MYO18A: variants seen among roughly 807,000 people sequenced by gnomAD.
MYO18A encodes myosin XVIIIA, also known as unconventional myosin-XVIIIa.
A neutral mutation model predicts 235.8 loss-of-function variants in MYO18A; 78 were observed. The observed-to-expected ratio is 0.33, with a 90% confidence interval of 0.28 to 0.40. The LOEUF (loss-of-function observed/expected upper bound fraction) is 0.40. Among genes scored for constraint, MYO18A ranks in the 10% least tolerant of loss-of-function variants. The pLI, the probability that MYO18A is intolerant of heterozygous loss-of-function variation, is 1.00. For missense variants in MYO18A, 2,215 were observed against 2,699.3 expected (o/e 0.82, Z 3.98); for synonymous variants, 977 against 1,077.8 (o/e 0.91, Z 1.83).
Position 29,131,318 on chromosome 17 carries a change from C to T in MYO18A, c.1000-9065G>A, listed in dbSNP as rs982699695. The T allele has an allele frequency of 7.7e-5, 65 of 846,922 alleles. No individual in the cohort carries two copies. In the African/African-American group the frequency reaches 1.0e-3, roughly 13 times the overall value. The allele number at this position is 846,922 out of a possible 1,614,324, so 52.5% of individuals were successfully genotyped here. ...ACACACACACGCACACACACATGCA[C>T]GCATGCACACACACATGCCCGCACA... On this transcript the variant is annotated intron_variant, in intron 2 of 41. Transcript: ENST00000527372.
chr17:29,116,876 C>G (rs1046251239), intron 10 of MYO18A, among the ~76,000 whole-genome samples: 2 of 151,892 alleles, frequency 1.3e-5, no homozygotes, highest in Admixed American at 1.3e-4. Flanking sequence ...GTCACCGCCT[C>G]AGAGTGAAGT....
chr17:29,177,349 T>A (rs2152995100), intron 1 of MYO18A, among the ~76,000 whole-genome samples: 1 of 152,204 alleles, frequency 6.6e-6, no homozygotes, highest in Admixed American at 6.5e-5. Flanking sequence ...AAATCATCAG[T>A]CTAACAACCA....
intron 2 of MYO18A, among the ~76,000 whole-genome samples, chr17:29,136,235 GAAAAA>G (rs1181249964): frequency 1.6e-4 from 17 of 105,304 alleles, no homozygotes; most frequent in South Asian, 6.6e-4. Flanking sequence ...CATCTCAAAA[GAAAAA>G]AAAAAAAAAA....
chr17:29,074,402 T>A lies in MYO18A; in HGVS notation c.*368A>T, dbSNP rs1241206574. The A allele has an allele frequency of 1.6e-6, 1 of 616,402 alleles. No homozygotes were observed. Among genetic ancestry groups the A allele is most frequent in the Non-Finnish European group, 2.9e-6 (1 of 347,254 alleles). The allele number at this position is 616,402 out of a possible 1,614,324, so 38.2% of individuals were successfully genotyped here. Reference sequence around the variant, plus strand: ...TCCCCATGGACCCAGCAACCTAGAGTGTCCCAGTAGGCAACCTGTCCACCG... The same window carrying A: ...TCCCCATGGACCCAGCAACCTAGAGAGTCCCAGTAGGCAACCTGTCCACCG... On this transcript the variant is annotated 3_prime_UTR_variant, in exon 42 of 42. Coordinates refer to ENST00000527372, the MANE Select transcript of MYO18A (RefSeq NM_078471.4). This position sits in a 1 kb window ranked among gnomAD's most constrained non-coding sequence, Gnocchi z 4.4.
At chr17:29,086,769 C>T (rs750721014) in intron 38 of MYO18A, 167 bp downstream of exon 38, 4 of 1,112,020 alleles carry the variant, frequency 3.6e-6, no homozygotes, top group African/African-American at 3.2e-5. Context: ...TCTCCAGTGC[C>T]GCTAGCTTCC....
At chr17:29,179,374 C>T (rs1017118532) in intron 1 of MYO18A, among the ~76,000 whole-genome samples, 3 of 151,910 alleles carry the variant, frequency 2.0e-5, no homozygotes, top group Non-Finnish European at 4.4e-5. Flanking sequence ...AAAACAAAGC[C>T]CCAATGCCTG....
chr17:29,166,229 T>C lies in MYO18A; in HGVS notation c.712A>G (p.Thr238Ala). The C allele has an allele frequency of 1.9e-6, 3 of 1,612,972 alleles. No individual in the cohort carries two copies. The highest frequency in any genetic ancestry group is 8.5e-7 in the Non-Finnish European group (1 of 1,179,876). Residue 238 changes from threonine (T) to alanine (A), a missense_variant, in exon 2 of 42, where the codon ACA becomes GCA. Coordinates refer to ENST00000527372, the MANE Select transcript of MYO18A (RefSeq NM_078471.4). ...TCGGGGCCCCGATCCAGCATGGTTG[T>C]GCGCCGCAGGGAGAAGCCAAAGTCT... ...TGDFGFSLRR[T>A]TMLDRGPEGQ...
intron 2 of MYO18A, chr17:29,131,292 A>AAC: frequency 1.3e-6 from 1 of 751,522 alleles, no homozygotes. Context: ...TGCAGGGGCA[A>AAC]ACACACACAC....
chr17:29,073,716 T>C lies in MYO18A; in HGVS notation c.*1054A>G. On this transcript the variant is annotated 3_prime_UTR_variant, in exon 42 of 42. Coordinates refer to ENST00000527372, the MANE Select transcript of MYO18A (RefSeq NM_078471.4). ...TGGGGGCTGGGACCTCCAGACCACA[T>C]GGTGTTGTGTCTGGGATAAGTGTGT... 4.5e-6 allele frequency: 4 copies of C among 892,632 alleles called. No homozygotes were observed. Among genetic ancestry groups the C allele is most frequent in the Non-Finnish European group, 5.1e-6 (3 of 583,232 alleles). The allele number at this position is 892,632 out of a possible 1,614,324, so 55.3% of individuals were successfully genotyped here. A position where few individuals can be genotyped will look rare whatever the true frequency, so the allele number is the denominator to read the frequency against.
At chr17:29,076,249 C>T (rs1314363987) in intron 41 of MYO18A, 1 of 151,514 alleles carries the variant, frequency 6.6e-6, no homozygotes, top group African/African-American at 2.4e-5. Context: ...GGCCACACAG[C>T]CAGTATGTAA....
chr17:29,178,339 C>T (rs1383334795), intron 1 of MYO18A, among the ~76,000 whole-genome samples: 1 of 152,156 alleles, frequency 6.6e-6, no homozygotes, highest in African/African-American at 2.4e-5. Context: ...AGGTCATCAA[C>T]TGTTCAAAGT....
At chr17:29,088,096 C>G (rs2066302381) in intron 37 of MYO18A, among the ~76,000 whole-genome samples, 1 of 149,446 alleles carries the variant, frequency 6.7e-6, no homozygotes. Context: ...CGCTGTCGCC[C>G]AGGCTGGAGT....
Position 29,073,732 on chromosome 17 carries a change from A to C in MYO18A, c.*1038T>G. The C allele has an allele frequency of 9.8e-7, 1 of 1,024,464 alleles. No homozygotes were observed. Among genetic ancestry groups the C allele is most frequent in the Non-Finnish European group, 1.4e-6 (1 of 694,644 alleles). 63.5% of individuals were successfully genotyped at this position (1,024,464 alleles called of 1,614,324 possible). A position where few individuals can be genotyped will look rare whatever the true frequency, so the allele number is the denominator to read the frequency against. ...CAGACCACATGGTGTTGTGTCTGGG[A>C]TAAGTGTGTGGGGGCAGGGAGGTTG... On this transcript the variant is annotated 3_prime_UTR_variant, in exon 42 of 42. Coordinates refer to ENST00000527372, the MANE Select transcript of MYO18A (RefSeq NM_078471.4).
At chr17:29,103,213 C>T (rs1039947903) in intron 21 of MYO18A, among the ~76,000 whole-genome samples, 1 of 152,248 alleles carries the variant, frequency 6.6e-6, no homozygotes, top group African/African-American at 2.4e-5. Context: ...AGGGGCTCTA[C>T]CCAAGGCCTC....
At position 29,124,773 on chromosome 17, in the gene MYO18A, G is replaced by C. The variant is rs887895158; in HGVS notation, c.1000-2520C>G. 3 of 1,122,492 alleles carry C rather than the reference G, an allele frequency of 2.7e-6. No individual in the cohort carries two copies. In the African/African-American group the frequency reaches 4.8e-5, roughly 18 times the overall value. The allele number at this position is 1,122,492 out of a possible 1,614,324, so 69.5% of individuals were successfully genotyped here. On this transcript the variant is annotated intron_variant, in intron 2 of 41. Transcript: ENST00000527372. ...CACGCCCCCTTCAGCAAGTGCTCCT[G>C]AGTCAAGTGGGCCGGCACTCTCTAG...
rs536453466 is a variant in MYO18A, at chr17:29,156,507, C to T, written c.999+9435G>A. 7.2e-5 allele frequency among the ~76,000 whole-genome samples: 11 copies of T among 152,174 alleles called. No homozygotes were observed. The South Asian group carries it at 1.2e-3, about 17-fold the overall frequency. ...ACAGTCCATGGGTGGAGATGGGACACGCTAAGGTCCTAGAGACAAGTCACC... is the reference window on the plus strand; with the variant it reads ...ACAGTCCATGGGTGGAGATGGGACATGCTAAGGTCCTAGAGACAAGTCACC... On this transcript the variant is annotated intron_variant, in intron 2 of 41. Transcript: ENST00000527372.
intron 28 of MYO18A, 141 bp from the exon 29 acceptor site, chr17:29,095,200 G>A (rs1238272733): frequency 7.8e-7 from 1 of 1,288,292 alleles, no homozygotes; most frequent in Non-Finnish European, 1.0e-6. Flanking sequence ...CCAGTTGTAA[G>A]GTAGCGGTGA....
intron 2 of MYO18A, among the ~76,000 whole-genome samples, chr17:29,141,686 T>TAA (rs2067742662): frequency 1.3e-5 from 2 of 152,236 alleles, no homozygotes; most frequent in Non-Finnish European, 2.9e-5. Flanking sequence ...ACACAGACTC[T>TAA]TAGGACACGG....
At chr17:29,087,804 T>C (rs1001039823) in intron 37 of MYO18A, among the ~76,000 whole-genome samples, 3 of 151,574 alleles carry the variant, frequency 2.0e-5, no homozygotes, top group African/African-American at 7.3e-5. Context: ...TTTAACATCC[T>C]ATGAGTCTAA....
Sources: gnomAD v4.1 joint callset for allele counts (sites outside exome capture counted in the v4.1 genomes callset) on GRCh38, gnomAD v4.1.1 for gene constraint, Gnocchi (gnomAD v3.1) non-coding constraint, MANE v1.5 for transcripts, NCBI Gene and HGNC (gene_info 2026-07-23, HGNC 2026-07-21) for gene names.